PCDHGA6: variants seen among roughly 807,000 people sequenced by gnomAD.
PCDHGA6 encodes the protein protocadherin gamma subfamily A, 6, also known as protocadherin gamma-A6.
A neutral mutation model predicts 60.6 loss-of-function variants in PCDHGA6; 41 were observed. The observed-to-expected ratio is 0.68, with a 90% CI of 0.53 to 0.88. The LOEUF (loss-of-function observed/expected upper bound fraction) is 0.88. Ranked by LOEUF, PCDHGA6 falls within the 40% of genes least tolerant of loss-of-function variation. The pLI is 0.00. For missense variants in PCDHGA6, 1,312 were observed against 1,203.0 expected (o/e 1.09, Z -1.34); for synonymous variants, 594 against 524.4 (o/e 1.13, Z -1.81).
chr5:141,450,755 G>A (rs556795021), intron 1 of PCDHGA6, among the ~76,000 whole-genome samples: 8 of 152,040 alleles, frequency 5.3e-5, no homozygotes, highest in Admixed American at 1.3e-4. Context: ...CCAAAGTGCC[G>A]GGATTACAGG....
chr5:141,379,993 G>A (rs922146667), intron 1 of PCDHGA6, among the ~76,000 whole-genome samples: 21 of 143,096 alleles, frequency 1.5e-4, no homozygotes, highest in Middle Eastern at 3.8e-3. Context: ...TCCTCCTCCT[G>A]GGTTCAAGCG....
chr5:141,455,627 A>G (rs1426625737), intron 1 of PCDHGA6, among the ~76,000 whole-genome samples: 2 of 152,104 alleles, frequency 1.3e-5, no homozygotes, highest in East Asian at 3.9e-4. Context: ...ACACGTGGAG[A>G]TATGTGGGGG....
In PCDHGA6 at chr5:141,493,548, G is replaced by A. The variant is rs1243278355; in HGVS notation, c.2425-1259G>A. 3.9e-5 allele frequency among the ~76,000 whole-genome samples: 6 copies of A among 152,196 alleles called. No homozygotes were observed. ...AAACTTGGCCAGTTATCCTTTTGGA[G>A]ATTGAGTTCCCCCAGCTCCGTTTCC... On this transcript the variant is annotated intron_variant, in intron 1 of 3. Coordinates refer to ENST00000517434, the MANE Select transcript of PCDHGA6 (RefSeq NM_018919.3). This position sits in a 1 kb window ranked among gnomAD's most constrained non-coding sequence, Gnocchi z 4.3.
intron 1 of PCDHGA6, chr5:141,388,506 T>C: frequency 6.2e-7 from 1 of 1,613,870 alleles, no homozygotes; most frequent in Non-Finnish European, 8.5e-7. Flanking sequence ...GCAGAAATCC[T>C]ACCACTTGAC....
chr5:141,455,550 G>C lies in PCDHGA6; in HGVS notation c.2425-39257G>C, dbSNP rs1195359804. On this transcript the variant is annotated intron_variant, in intron 1 of 3. Transcript: ENST00000517434. ...ACCAGGCATATCATTCACGTAGCCC[G>C]AGAAAAAGCTGGCCCTCCCACCCCA... 2.0e-5 allele frequency among the ~76,000 whole-genome samples: 3 copies of C among 152,138 alleles called. No individual in the cohort carries two copies. In the South Asian group the frequency reaches 6.2e-4, roughly 32 times the overall value.
intron 1 of PCDHGA6, chr5:141,379,293 A>G (rs1451053160): frequency 6.6e-6 from 1 of 152,248 alleles, no homozygotes; most frequent in Non-Finnish European, 1.5e-5. Context: ...CAAGTTTCCA[A>G]AGGTATATAC....
At chr5:141,436,347 CT>C (rs1402378657) in intron 1 of PCDHGA6, among the ~76,000 whole-genome samples, 1 of 152,118 alleles carries the variant, frequency 6.6e-6, no homozygotes, top group African/African-American at 2.4e-5. Context: ...ATATCAGTGA[CT>C]TCAATCAACT....
At chr5:141,450,129 C>T (rs1211301953) in intron 1 of PCDHGA6, among the ~76,000 whole-genome samples, 1 of 151,472 alleles carries the variant, frequency 6.6e-6, no homozygotes, top group African/African-American at 2.4e-5. Context: ...GCCTTAGCCT[C>T]CTGAGTAGCT....
intron 1 of PCDHGA6, among the ~76,000 whole-genome samples, chr5:141,380,453 A>T (rs1776506198): frequency 6.6e-6 from 1 of 152,216 alleles, no homozygotes; most frequent in Non-Finnish European, 1.5e-5. Context: ...TTTTAATGCA[A>T]CCAAACAAAT....
At chr5:141,470,132 A>G (rs1411735203) in intron 1 of PCDHGA6, among the ~76,000 whole-genome samples, 1 of 151,586 alleles carries the variant, frequency 6.6e-6, no homozygotes, top group East Asian at 1.9e-4. Context: ...TCGTCTCAAA[A>G]AAAAAGATCA....
rs1009141449 is a variant in PCDHGA6, at chr5:141,491,922, G to A, written c.2425-2885G>A. 2 of 1,349,026 alleles carry A rather than the reference G, an allele frequency of 1.5e-6. No individual in the cohort carries two copies. Among genetic ancestry groups the A allele is most frequent in the African/African-American group, 1.5e-5 (1 of 67,598 alleles). The allele number at this position is 1,349,026 out of a possible 1,614,324, so 83.6% of individuals were successfully genotyped here. On this transcript the variant is annotated intron_variant, in intron 1 of 3. Coordinates refer to ENST00000517434, the MANE Select transcript of PCDHGA6 (RefSeq NM_018919.3). The surrounding 1 kb of genome is among the most constrained non-coding windows in gnomAD (Gnocchi z 6.9). ...CGGGGGTGGTGGCGACTGTGGGCGAGGGGAGGTGGGACCGACCCCCACCCC... is the reference window on the plus strand; with the variant it reads ...CGGGGGTGGTGGCGACTGTGGGCGAAGGGAGGTGGGACCGACCCCCACCCC...
In PCDHGA6 at chr5:141,477,294, C is replaced by T. The variant is rs753131175; in HGVS notation, c.2425-17513C>T. ...GGGCTGGTGACCTGCGAAGTTCCAC[C>T]GGGTCTCCCTTTCAGCCTTACTTCT... is the stretch of plus-strand genomic sequence containing the variant. On this transcript the variant is annotated intron_variant, in intron 1 of 3. Transcript: ENST00000517434. The surrounding 1 kb of genome is among the most constrained non-coding windows in gnomAD (Gnocchi z 4.9). 4.3e-6 allele frequency: 7 copies of T among 1,614,142 alleles called. No individual in the cohort carries two copies. Among genetic ancestry groups the T allele is most frequent in the East Asian group, 4.5e-5 (2 of 44,872 alleles).
At chr5:141,484,857 G>C in intron 1 of PCDHGA6, 1 of 264,370 alleles carries the variant, frequency 3.8e-6, no homozygotes. Flanking sequence ...TTTTTGGGGG[G>C]TGGGGGAGCG....
intron 1 of PCDHGA6, chr5:141,389,542 G>A (rs765744557): frequency 5.0e-6 from 8 of 1,613,080 alleles, no homozygotes; most frequent in African/African-American, 2.7e-5. Flanking sequence ...GTGGACGACC[G>A]CAACGACAAT....
Position 141,486,487 on chromosome 5 carries a change from C to G in PCDHGA6, c.2425-8320C>G. The G allele has an allele frequency of 6.2e-7, 1 of 1,614,086 alleles. No homozygotes were observed. The highest frequency in any genetic ancestry group is 1.1e-5 in the South Asian group (1 of 91,074). ...CTGGGAACCCTCCTCTCAGTACCCA[C>G]AGAACTATTTTCCTCAATATTTCAG... On this transcript the variant is annotated intron_variant, in intron 1 of 3. Coordinates refer to ENST00000517434, the MANE Select transcript of PCDHGA6 (RefSeq NM_018919.3). This position sits in a 1 kb window ranked among gnomAD's most constrained non-coding sequence, Gnocchi z 5.0.
intron 2 of PCDHGA6, among the ~76,000 whole-genome samples, chr5:141,501,988 T>C (rs2099812189): frequency 6.6e-6 from 1 of 152,056 alleles, no homozygotes; most frequent in Non-Finnish European, 1.5e-5. Flanking sequence ...GGTCCCGTTG[T>C]CTCCCTGACA....
At chr5:141,444,183 T>G (rs2098423667) in intron 1 of PCDHGA6, among the ~76,000 whole-genome samples, 1 of 138,396 alleles carries the variant, frequency 7.2e-6, no homozygotes, top group African/African-American at 2.8e-5. Flanking sequence ...TTTTTTTTTT[T>G]TTTTTGAGAT....
chr5:141,490,249 C>T lies in PCDHGA6; in HGVS notation c.2425-4558C>T, dbSNP rs2099697737. On this transcript the variant is annotated intron_variant, in intron 1 of 3. Coordinates refer to ENST00000517434, the MANE Select transcript of PCDHGA6 (RefSeq NM_018919.3). The surrounding 1 kb of genome is among the most constrained non-coding windows in gnomAD (Gnocchi z 5.4). ...TGCCATGGAGGGCCACTGTGTGATT[C>T]AAGTGGATGTGGGGGATGTCAATGA... The T allele has an allele frequency of 1.2e-6, 2 of 1,614,218 alleles. No individual in the cohort carries two copies. The highest frequency in any genetic ancestry group is 1.7e-6 in the Non-Finnish European group (2 of 1,180,044).
chr5:141,394,534 G>T (rs751746485), intron 1 of PCDHGA6: 2 of 1,614,074 alleles, frequency 1.2e-6, no homozygotes, highest in Non-Finnish European at 1.7e-6. Flanking sequence ...GGTTCCACTG[G>T]CGTGGAGCTG....
Sources: gnomAD v4.1 joint callset for allele counts (sites outside exome capture counted in the v4.1 genomes callset) on GRCh38, gnomAD v4.1.1 for gene constraint, Gnocchi (gnomAD v3.1) non-coding constraint, MANE v1.5 for transcripts, NCBI Gene and HGNC (gene_info 2026-07-23, HGNC 2026-07-21) for gene names.